Variants in MAP4K5 observed in about 807,000 individuals in gnomAD.
MAP4K5 encodes mitogen-activated protein kinase kinase kinase kinase 5.
Under a neutral mutation model 135.6 loss-of-function variants are expected in MAP4K5, and 82 were observed. That is an observed-to-expected ratio of 0.60 (90% CI 0.51 to 0.73). MAP4K5 has a LOEUF of 0.73. MAP4K5 is among the 30% of genes least tolerant of loss of function. The pLI is 0.00. For missense variants in MAP4K5, 907 were observed against 1,010.9 expected, an observed-to-expected ratio of 0.90 and a Z score of 1.39; for synonymous variants, 347 against 335.0, an observed-to-expected ratio of 1.04 and a Z score of -0.39.
chr14:50,560,113 C>A, intron 1 of MAP4K5: 1 of 857,424 alleles, frequency 1.2e-6, no homozygotes, highest in Non-Finnish European at 1.9e-6. Flanking sequence ...TTCCTCCCCA[C>A]TCCTTCCCAC....
intron 32 of MAP4K5, among the ~76,000 whole-genome samples, chr14:50,421,256 T>C: frequency 6.6e-6 from 1 of 151,936 alleles, no homozygotes; most frequent in Admixed American, 6.5e-5. Context: ...ATAATTTTTT[T>C]ATTTTTATTT....
intron 26 of MAP4K5, among the ~76,000 whole-genome samples, chr14:50,436,219 T>A (rs2036088893): frequency 6.6e-6 from 1 of 152,148 alleles, no homozygotes. Flanking sequence ...ATGGAGTTGT[T>A]TAAGGGTTAA....
intron 2 of MAP4K5, among the ~76,000 whole-genome samples, chr14:50,524,705 C>G (rs771374436): frequency 2.0e-5 from 3 of 151,522 alleles, no homozygotes; most frequent in African/African-American, 4.9e-5. Flanking sequence ...CTGCAAAAAT[C>G]TGAAAGACAG....
At chr14:50,528,118 C>T (rs560646858) in intron 2 of MAP4K5, among the ~76,000 whole-genome samples, 63 of 152,244 alleles carry the variant, frequency 4.1e-4, no homozygotes, top group Non-Finnish European at 7.6e-4. Flanking sequence ...CCTTCATCCA[C>T]CATCCACCAA....
intron 3 of MAP4K5, among the ~76,000 whole-genome samples, chr14:50,503,784 C>G (rs906993184): frequency 6.6e-6 from 1 of 152,034 alleles, no homozygotes; most frequent in Non-Finnish European, 1.5e-5. Context: ...TCTCTGAGAG[C>G]ACACGCCAGT....
intron 14 of MAP4K5, chr14:50,450,202 C>T (rs956955707): frequency 2.6e-5 from 4 of 152,204 alleles, no homozygotes; most frequent in African/African-American, 9.7e-5. Flanking sequence ...CCACCTAAGC[C>T]TCCCAAGGTG....
At chr14:50,501,573 A>G (rs1313652325) in intron 3 of MAP4K5, among the ~76,000 whole-genome samples, 1 of 152,180 alleles carries the variant, frequency 6.6e-6, no homozygotes. Context: ...ATAATTTTTT[A>G]CAAGAGAAAC....
chr14:50,509,384 T>C (rs1368571968), intron 2 of MAP4K5, among the ~76,000 whole-genome samples: 1 of 152,226 alleles, frequency 6.6e-6, no homozygotes, highest in Non-Finnish European at 1.5e-5. Context: ...TGTGTATTAT[T>C]TAACAGATCA....
intron 2 of MAP4K5, among the ~76,000 whole-genome samples, chr14:50,540,755 T>C (rs1338978265): frequency 6.6e-6 from 1 of 152,206 alleles, no homozygotes; most frequent in Non-Finnish European, 1.5e-5. Context: ...GCAGAATTCC[T>C]ACATTAGGTT....
At chr14:50,550,665 A>G (rs945138937) in intron 1 of MAP4K5, among the ~76,000 whole-genome samples, 1 of 152,268 alleles carries the variant, frequency 6.6e-6, no homozygotes, top group Non-Finnish European at 1.5e-5. Flanking sequence ...ACAAGTCTCA[A>G]TAAACTTAAG....
chr14:50,456,277 T>C, intron 14 of MAP4K5: 1 of 475,818 alleles, frequency 2.1e-6, no homozygotes, highest in Non-Finnish European at 3.7e-6. Flanking sequence ...CTCTTTTTTT[T>C]CTTGCAGATT....
At chr14:50,444,998 C>G in intron 18 of MAP4K5, 43 bp downstream of exon 18, 7 of 1,561,350 alleles carry the variant, frequency 4.5e-6, no homozygotes, top group Non-Finnish European at 5.2e-6. Flanking sequence ...ATAACAATAT[C>G]TAGCCATATG....
chr14:50,528,520 C>T (rs1411500438), intron 2 of MAP4K5, among the ~76,000 whole-genome samples: 2 of 150,282 alleles, frequency 1.3e-5, no homozygotes, highest in African/African-American at 4.9e-5. Flanking sequence ...GAATTTGAGA[C>T]TAGCTTGGGC....
intron 3 of MAP4K5, among the ~76,000 whole-genome samples, chr14:50,491,376 G>T (rs1014981206): frequency 6.7e-6 from 1 of 148,880 alleles, no homozygotes; most frequent in African/African-American, 2.5e-5. Flanking sequence ...AGGCTAAAGT[G>T]CAGTGGTGTG....
intron 10 of MAP4K5, among the ~76,000 whole-genome samples, chr14:50,468,061 T>C (rs999417459): frequency 3.9e-5 from 6 of 152,140 alleles, no homozygotes; most frequent in African/African-American, 1.4e-4. Flanking sequence ...TATTTTTTTC[T>C]GAGATAATAC....
chr14:50,507,975 G>A (rs918831258), intron 2 of MAP4K5, among the ~76,000 whole-genome samples: 11 of 152,058 alleles, frequency 7.2e-5, no homozygotes, highest in South Asian at 2.1e-4. Context: ...ATTATTGTGC[G>A]GGAGTTGAAG....
chr14:50,466,213 TAACA>T (rs890890794), intron 11 of MAP4K5, among the ~76,000 whole-genome samples: 2 of 151,712 alleles, frequency 1.3e-5, no homozygotes, highest in Admixed American at 6.6e-5. Context: ...CCTGTCTCTA[TAACA>T]AACAAACAAA....
chr14:50,449,937 TTTGTTG>T (rs201405830), intron 14 of MAP4K5: 10,430 of 147,652 alleles, frequency 0.071, 471 homozygotes, highest in Middle Eastern at 0.14. Flanking sequence ...ATATTACTTT[TTTGTTG>T]TTGTTGTTGT....
chr14:50,524,695 C>A (rs1256628770), intron 2 of MAP4K5, among the ~76,000 whole-genome samples: 1 of 151,230 alleles, frequency 6.6e-6, no homozygotes, highest in African/African-American at 2.4e-5. Context: ...AAAGGAATAC[C>A]TGCAAAAATC....
Sources: allele counts gnomAD v4.1 joint callset (sites outside exome capture counted in the v4.1 genomes callset), GRCh38; gene constraint gnomAD v4.1.1; transcripts MANE v1.5; gene names NCBI Gene and HGNC (gene_info 2026-07-23, HGNC 2026-07-21).